Variants in BMAL2 observed in about 807,000 individuals in gnomAD.
The protein encoded by BMAL2 is basic helix-loop-helix ARNT-like protein 2.
the BMAL2 span, among the ~76,000 whole-genome samples, chr12:27,336,552 T>C: frequency 6.6e-6 from 1 of 152,216 alleles, no homozygotes; most frequent in African/African-American, 2.4e-5. Flanking sequence ...TTCCTTCTCT[T>C]ACTCAGGTGC....
chr12:27,403,674 G>T, the BMAL2 span: 1 of 459,234 alleles, frequency 2.2e-6, no homozygotes, highest in Admixed American at 4.1e-5. Flanking sequence ...TATCTTTACA[G>T]TAGCAACAAA....
chr12:27,388,974 G>T, the BMAL2 span, among the ~76,000 whole-genome samples: 2 of 152,082 alleles, frequency 1.3e-5, no homozygotes, highest in Admixed American at 1.3e-4. Flanking sequence ...GTATATCCAG[G>T]GATGGTTCTA....
chr12:27,380,183 A>C, the BMAL2 span: 6 of 1,528,020 alleles, frequency 3.9e-6, no homozygotes, highest in African/African-American at 8.2e-5. Context: ...TCCAGTGAGC[A>C]ACACGGGGGT....
the BMAL2 span, among the ~76,000 whole-genome samples, chr12:27,412,324 G>A: frequency 6.6e-6 from 1 of 152,192 alleles, no homozygotes; most frequent in Admixed American, 6.5e-5. Flanking sequence ...TCAGAAAACA[G>A]AGACTCAATT....
the BMAL2 span, among the ~76,000 whole-genome samples, chr12:27,338,339 T>C: frequency 2.0e-5 from 3 of 151,588 alleles, no homozygotes; most frequent in Admixed American, 6.6e-5. Flanking sequence ...ATGGGCTAAC[T>C]GTTAGGAGTT....
chr12:27,346,424 G>A, the BMAL2 span, among the ~76,000 whole-genome samples: 34,881 of 151,962 alleles, frequency 0.23, 5,060 homozygotes, highest in East Asian at 0.64. Flanking sequence ...CACTGTGCCC[G>A]GCTAATTTTT....
At chr12:27,365,151 A>G in the BMAL2 span, among the ~76,000 whole-genome samples, 14 of 152,168 alleles carry the variant, frequency 9.2e-5, no homozygotes, top group African/African-American at 2.9e-4. Flanking sequence ...AGCTCTTCTA[A>G]TATAGAATTA....
the BMAL2 span, among the ~76,000 whole-genome samples, chr12:27,398,871 TTA>T: frequency 1.3e-5 from 2 of 152,366 alleles, no homozygotes; most frequent in Admixed American, 1.3e-4. Flanking sequence ...ATAAGCCCTT[TTA>T]TTTTTAACTG....
chr12:27,364,946 G>A, the BMAL2 span, among the ~76,000 whole-genome samples: 2 of 151,684 alleles, frequency 1.3e-5, no homozygotes, highest in African/African-American at 4.8e-5. Context: ...TGTTACTTTG[G>A]ATAGAAAGGC....
the BMAL2 span, among the ~76,000 whole-genome samples, chr12:27,343,884 G>C: frequency 2.6e-5 from 4 of 152,096 alleles, no homozygotes; most frequent in Admixed American, 6.5e-5. Flanking sequence ...GGTTTCCCTT[G>C]ACTCCAGTTT....
the BMAL2 span, among the ~76,000 whole-genome samples, chr12:27,388,097 A>T: frequency 6.9e-6 from 1 of 145,000 alleles, no homozygotes; most frequent in Non-Finnish European, 1.5e-5. Flanking sequence ...GCACACACAC[A>T]TGCACGCACA....
the BMAL2 span, chr12:27,420,403 T>A: frequency 6.2e-7 from 1 of 1,614,084 alleles, no homozygotes; most frequent in Non-Finnish European, 8.5e-7. Context: ...TAGGTGATGG[T>A]GCACAGTTGG....
the BMAL2 span, among the ~76,000 whole-genome samples, chr12:27,336,777 C>G: frequency 6.6e-6 from 1 of 151,752 alleles, no homozygotes; most frequent in East Asian, 1.9e-4. Context: ...ATGGTGAAAC[C>G]CTGTCTCTAC....
the BMAL2 span, among the ~76,000 whole-genome samples, chr12:27,361,188 A>G: frequency 8.8e-4 from 134 of 152,294 alleles, no homozygotes; most frequent in African/African-American, 3.1e-3. Context: ...ATTTGTAACT[A>G]TGAGCCTAAA....
the BMAL2 span, chr12:27,368,297 C>G: frequency 1.2e-6 from 2 of 1,614,070 alleles, no homozygotes; most frequent in African/African-American, 2.7e-5. Context: ...GTGCATTGCT[C>G]CTGTGGTTTC....
chr12:27,359,589 G>A, the BMAL2 span, among the ~76,000 whole-genome samples: 5 of 151,988 alleles, frequency 3.3e-5, no homozygotes, highest in African/African-American at 1.2e-4. Flanking sequence ...GACTGAGATA[G>A]GAATATCGCT....
chr12:27,408,750 A>T, the BMAL2 span, among the ~76,000 whole-genome samples: 1 of 152,096 alleles, frequency 6.6e-6, no homozygotes, highest in Admixed American at 6.6e-5. Context: ...CCAGGGCAAT[A>T]AGGAAGGAGA....
chr12:27,400,921 A>G, the BMAL2 span: 4 of 807,156 alleles, frequency 5.0e-6, no homozygotes, highest in African/African-American at 6.9e-5. Context: ...GAATATGGAC[A>G]TGTCAGTAAA....
At chr12:27,397,028 CA>C in the BMAL2 span, among the ~76,000 whole-genome samples, 1,194 of 152,152 alleles carry the variant, frequency 7.8e-3, 26 homozygotes, top group African/African-American at 0.027. Flanking sequence ...AGTAATTAAC[CA>C]GTGGAATTCA....
Sources: allele counts gnomAD v4.1 joint callset (sites outside exome capture counted in the v4.1 genomes callset), GRCh38; gene constraint gnomAD v4.1.1; transcripts MANE v1.5; gene names NCBI Gene and HGNC (gene_info 2026-07-23, HGNC 2026-07-21).